Variants in CFAP20DC observed in about 807,000 individuals in gnomAD.
CFAP20DC encodes CFAP20 domain containing, also known as protein CFAP20DC.
CFAP20DC carries 84 observed loss-of-function variants against 101.7 expected under a neutral mutation model. The observed-to-expected ratio is 0.83, with a 90% CI of 0.69 to 0.99. The LOEUF is 0.99. Ranked by LOEUF, CFAP20DC falls within the 50% of genes least tolerant of loss-of-function variation. The pLI, the probability that CFAP20DC is intolerant of heterozygous loss-of-function variation, is 0.00. For missense variants in CFAP20DC, 1,007 were observed against 970.3 expected (o/e 1.04, Z -0.50); for synonymous variants, 359 against 351.2 (o/e 1.02, Z -0.25).
intron 15 of CFAP20DC, among the ~76,000 whole-genome samples, chr3:58,796,704 T>C (rs533749095): frequency 1.4e-4 from 21 of 152,272 alleles, no homozygotes; most frequent in African/African-American, 4.6e-4. Context: ...TGTTTTGCTA[T>C]ATTGTTCTTC....
rs771490161 is a variant in CFAP20DC, at chr3:58,831,754, C to T, written c.2107G>A (p.Asp703Asn). The change falls in exon 14 of 17, where the codon GAC (aspartate) becomes AAC (asparagine). Residue 703 changes from aspartate (D) to asparagine (N), a missense_variant. Physicochemically the swap from Asp to Asn is conservative, Grantham distance 23. Transcript: ENST00000482387. ...GTACTTATGCTGACATTACAGTTGT[C>T]CACCTGGGAGGCACTCAGGCCATGG... is the stretch of plus-strand genomic sequence containing the variant. ...TSHGLSASQVDNCNVSISTSS... is the reference protein window; with the variant it reads ...TSHGLSASQVNNCNVSISTSS... 6.2e-7 allele frequency: 1 copy of T among 1,614,060 alleles called. No homozygotes were observed. The highest frequency in any genetic ancestry group is 1.1e-5 in the South Asian group (1 of 91,060).
chr3:58,837,418 T>C (rs1157134796), intron 13 of CFAP20DC, among the ~76,000 whole-genome samples: 3 of 152,120 alleles, frequency 2.0e-5, no homozygotes, highest in African/African-American at 7.2e-5. Context: ...AGAGTACATA[T>C]TGGTAAAACC....
chr3:58,760,292 A>G (rs2069425307), intron 15 of CFAP20DC, among the ~76,000 whole-genome samples: 1 of 152,146 alleles, frequency 6.6e-6, no homozygotes, highest in Admixed American at 6.5e-5. Context: ...TTCTCTTTGA[A>G]GCAATTGTGA....
In CFAP20DC at chr3:58,783,565, A is replaced by T. The variant is rs183121510; in HGVS notation, c.2237+22830T>A. ...ATTTGCAAACTACTCATTTGACAAG[A>T]GAATATCCAGAATATACAAAGAACT... is the stretch of plus-strand genomic sequence containing the variant. On this transcript the variant is annotated intron_variant, in intron 15 of 16. Coordinates refer to ENST00000482387, the MANE Select transcript of CFAP20DC (RefSeq NM_001394063.1). 7.0e-4 allele frequency among the ~76,000 whole-genome samples: 107 copies of T among 152,194 alleles called. 1 individual carries two copies. The East Asian group carries it at 0.019, about 27-fold the overall frequency.
intron 4 of CFAP20DC, among the ~76,000 whole-genome samples, chr3:58,950,856 G>T (rs1230656414): frequency 6.6e-6 from 1 of 152,140 alleles, no homozygotes; most frequent in Non-Finnish European, 1.5e-5. Context: ...CATGGGCAAG[G>T]ACTTCATGTC....
At position 58,864,090 on chromosome 3, in the gene CFAP20DC, G is replaced by A. The variant is rs1475079712; in HGVS notation, c.1259-198C>T. On this transcript the variant is annotated intron_variant, in intron 11 of 16. Transcript: ENST00000482387. This position sits in a 1 kb window ranked among gnomAD's most constrained non-coding sequence, Gnocchi z 4.7. ...TCTCCTGCCTGAGCCTCCTGAGTAGGTGGGATTACAGGTGCACGCCATCAT... is the reference window on the plus strand; with the variant it reads ...TCTCCTGCCTGAGCCTCCTGAGTAGATGGGATTACAGGTGCACGCCATCAT... 1.3e-5 allele frequency among the ~76,000 whole-genome samples: 2 copies of A among 151,968 alleles called. No homozygotes were observed. The highest frequency in any genetic ancestry group is 3.9e-4 in the East Asian group (2 of 5,162).
intron 15 of CFAP20DC, among the ~76,000 whole-genome samples, chr3:58,797,084 A>T (rs1209608254): frequency 1.3e-5 from 2 of 152,182 alleles, no homozygotes; most frequent in Non-Finnish European, 1.5e-5. Flanking sequence ...CCGATTATTG[A>T]TAATAACCCT....
intron 15 of CFAP20DC, among the ~76,000 whole-genome samples, chr3:58,760,756 T>C (rs2069487421): frequency 6.6e-6 from 1 of 152,208 alleles, no homozygotes; most frequent in Non-Finnish European, 1.5e-5. Flanking sequence ...GGTTGTTGAA[T>C]TTTGTCAAAG....
At chr3:58,974,361 T>C (rs976893506) in intron 4 of CFAP20DC, among the ~76,000 whole-genome samples, 9 of 152,176 alleles carry the variant, frequency 5.9e-5, no homozygotes, top group African/African-American at 2.2e-4. Flanking sequence ...ATGTGGTATT[T>C]GGTTTTCTGT....
intron 6 of CFAP20DC, among the ~76,000 whole-genome samples, chr3:58,898,576 A>T (rs1313260400): frequency 6.6e-6 from 1 of 152,114 alleles, no homozygotes; most frequent in Non-Finnish European, 1.5e-5. Flanking sequence ...TTTGGCTATC[A>T]GGTCCTGTAT....
rs573641672 is a variant in CFAP20DC, at chr3:58,964,080, A to G, written c.279-26318T>C. Among the ~76,000 whole-genome samples the G allele has an allele frequency of 6.6e-6, 1 of 152,336 alleles. No individual in the cohort carries two copies. Among genetic ancestry groups the G allele is most frequent in the South Asian group, 2.1e-4 (1 of 4,830 alleles). On this transcript the variant is annotated intron_variant, in intron 4 of 16. Coordinates refer to ENST00000482387, the MANE Select transcript of CFAP20DC (RefSeq NM_001394063.1). The surrounding 1 kb of genome is among the most constrained non-coding windows in gnomAD (Gnocchi z 4.1). ...TGTCACAAGGTTTTTCTTTTTCTCT[A>G]GCAGTTAAACAAGCACTGGCCTTGT...
rs1341221430 is a variant in CFAP20DC, at chr3:58,869,708, C to T, written c.853-218G>A. Among the ~76,000 whole-genome samples, 1 of 152,102 alleles carries T rather than the reference C, an allele frequency of 6.6e-6. No individual in the cohort carries two copies. ...ATAGAAGACATGCAAGTCTCCTAGA[C>T]ACATAAATTAAAATGTGCTTATTTG... On this transcript the variant is annotated intron_variant, in intron 8 of 16. Transcript: ENST00000482387. The surrounding 1 kb of genome is among the most constrained non-coding windows in gnomAD (Gnocchi z 4.3).
chr3:58,757,244 G>A (rs955177663), intron 15 of CFAP20DC, among the ~76,000 whole-genome samples: 1 of 152,032 alleles, frequency 6.6e-6, no homozygotes, highest in Non-Finnish European at 1.5e-5. Context: ...ATATTTTAAT[G>A]CTTTCTGATA....
Position 58,864,736 on chromosome 3 carries a change from C to T in CFAP20DC, c.1259-844G>A, listed in dbSNP as rs2079533572. Reference sequence around the variant, plus strand: ...TGATTCAAACAGGACAATTCACAGACTAAACCAAGCAGACTTTTCAAGTAA... The same window carrying T: ...TGATTCAAACAGGACAATTCACAGATTAAACCAAGCAGACTTTTCAAGTAA... On this transcript the variant is annotated intron_variant, in intron 11 of 16. Coordinates refer to ENST00000482387, the MANE Select transcript of CFAP20DC (RefSeq NM_001394063.1). This position sits in a 1 kb window ranked among gnomAD's most constrained non-coding sequence, Gnocchi z 4.7. Among the ~76,000 whole-genome samples the T allele has an allele frequency of 6.6e-6, 1 of 152,192 alleles. No homozygotes were observed. The highest frequency in any genetic ancestry group is 1.5e-5 in the Non-Finnish European group (1 of 68,038).
At chr3:58,865,498 C>T (rs934679811) in intron 11 of CFAP20DC, among the ~76,000 whole-genome samples, 1 of 152,152 alleles carries the variant, frequency 6.6e-6, no homozygotes, top group African/African-American at 2.4e-5. Flanking sequence ...CAGGCTGAGT[C>T]TAGTTCTTCT....
rs1452522878 is a variant in CFAP20DC at position 58,897,125 on chromosome 3, C to G, written c.551-12416G>C. ...AGCACTTCTTGAATTGAACCCTTTA[C>G]CACTACATAATGCCCTTCTTTGTCT... On this transcript the variant is annotated intron_variant, in intron 6 of 16. Transcript: ENST00000482387. The surrounding 1 kb of genome is among the most constrained non-coding windows in gnomAD (Gnocchi z 4.4). Among the ~76,000 whole-genome samples, 1 of 152,164 alleles carries G rather than the reference C, an allele frequency of 6.6e-6. No homozygotes were observed. The highest frequency in any genetic ancestry group is 1.5e-5 in the Non-Finnish European group (1 of 68,022).
At chr3:58,741,121 T>C (rs1286681185), downstream of CFAP20DC, among the ~76,000 whole-genome samples, 2 of 152,228 alleles carry the variant, frequency 1.3e-5, no homozygotes, top group Non-Finnish European at 2.9e-5. Flanking sequence ...AGTACCACCA[T>C]TAAATCCAAC....
chr3:58,730,057 G>C (rs2067616597), intron 3 of CFAP20DC, among the ~76,000 whole-genome samples: 1 of 150,200 alleles, frequency 6.7e-6, no homozygotes, highest in African/African-American at 2.5e-5. Flanking sequence ...GAAATCCTCT[G>C]CAAGGTTTTC....
At chr3:59,036,589 G>C (rs554684594) in intron 4 of CFAP20DC, among the ~76,000 whole-genome samples, 1 of 152,106 alleles carries the variant, frequency 6.6e-6, no homozygotes, top group Non-Finnish European at 1.5e-5. Flanking sequence ...ACTTACAAGG[G>C]ATGTGAAGGA....
Sources: allele counts gnomAD v4.1 joint callset (sites outside exome capture counted in the v4.1 genomes callset), GRCh38; gene constraint gnomAD v4.1.1; non-coding constraint Gnocchi (gnomAD v3.1); transcripts MANE v1.5; gene names NCBI Gene and HGNC (gene_info 2026-07-23, HGNC 2026-07-21).